PRDM16: variants seen among roughly 807,000 people sequenced by gnomAD.
The protein encoded by PRDM16 is PR/SET domain 16, also known as histone-lysine N-methyltransferase PRDM16.
Under a neutral mutation model 110.6 loss-of-function variants are expected in PRDM16, and 23 were observed. That is an observed-to-expected ratio of 0.21 (90% CI 0.15 to 0.29). The LOEUF (loss-of-function observed/expected upper bound fraction) is 0.29. PRDM16 is among the 10% of genes least tolerant of loss of function. The pLI is 1.00. For synonymous variants in PRDM16, 799 were observed against 781.8 expected, an observed-to-expected ratio of 1.02 and a Z score of -0.37; for missense variants, 1,615 against 1,794.3, an observed-to-expected ratio of 0.90 and a Z score of 1.81.
At chr1:3,349,185 C>A (rs1044317111) in intron 3 of PRDM16, among the ~76,000 whole-genome samples, 1 of 152,226 alleles carries the variant, frequency 6.6e-6, no homozygotes, top group African/African-American at 2.4e-5. Context: ...CGCATAGTGC[C>A]CATGGCCAGG....
intron 3 of PRDM16, among the ~76,000 whole-genome samples, chr1:3,263,198 C>T (rs1472914032): frequency 1.3e-5 from 2 of 152,166 alleles, no homozygotes; most frequent in Non-Finnish European, 2.9e-5. Context: ...TCTGAGTGCC[C>T]GGGGATGGGA....
chr1:3,197,889 CAG>C (rs1396370025), intron 2 of PRDM16, among the ~76,000 whole-genome samples: 3 of 152,186 alleles, frequency 2.0e-5, no homozygotes, highest in Non-Finnish European at 4.4e-5. Flanking sequence ...TCGCACTCCT[CAG>C]GGGGCAGTGG....
chr1:3,195,853 T>C (rs10797383), intron 2 of PRDM16, among the ~76,000 whole-genome samples: 56,724 of 152,068 alleles, frequency 0.37, 15,422 homozygotes, highest in African/African-American at 0.76. Flanking sequence ...AAAATAAGGA[T>C]TGGATGTGAA....
intron 6 of PRDM16, among the ~76,000 whole-genome samples, chr1:3,404,172 G>A (rs1643520158): frequency 6.6e-6 from 1 of 152,210 alleles, no homozygotes; most frequent in Admixed American, 6.5e-5. Context: ...GACAAGGGAA[G>A]CCGGGGGTCC....
chr1:3,323,898 T>G (rs1029373924), intron 3 of PRDM16, among the ~76,000 whole-genome samples: 3 of 152,178 alleles, frequency 2.0e-5, no homozygotes, highest in Non-Finnish European at 4.4e-5. Context: ...TGCACGGGCC[T>G]CATCTCCTTA....
At chr1:3,146,241 A>G (rs917633587) in intron 1 of PRDM16, among the ~76,000 whole-genome samples, 2 of 152,256 alleles carry the variant, frequency 1.3e-5, no homozygotes, top group East Asian at 1.9e-4. Context: ...CCGCTAACCA[A>G]TGAACGTTCG....
intron 3 of PRDM16, among the ~76,000 whole-genome samples, chr1:3,282,927 G>A (rs1640741838): frequency 6.6e-6 from 1 of 152,234 alleles, no homozygotes; most frequent in Non-Finnish European, 1.5e-5. Flanking sequence ...GGTAGTATTA[G>A]GGCGGTTAGA....
At position 3,244,251 on chromosome 1, in the gene PRDM16, T is replaced by C; in HGVS notation, c.438+114T>C. 1.0e-6 allele frequency: 1 copy of C among 969,554 alleles called. No homozygotes were observed. Among genetic ancestry groups the C allele is most frequent in the Non-Finnish European group, 1.6e-6 (1 of 618,068 alleles). 60.1% of individuals were successfully genotyped at this position (969,554 alleles called of 1,614,324 possible). On this transcript the variant is annotated intron_variant, in intron 3 of 16. Coordinates refer to ENST00000270722, the MANE Select transcript of PRDM16 (RefSeq NM_022114.4). This position sits in a 1 kb window ranked among gnomAD's most constrained non-coding sequence, Gnocchi z 4.1. Reference sequence around the variant, plus strand: ...AACAAGCGTGTAGTCGGAATGTTGCTGGCAGGCCCCGAGCAATGTGTTATC... The same window carrying C: ...AACAAGCGTGTAGTCGGAATGTTGCCGGCAGGCCCCGAGCAATGTGTTATC...
intron 3 of PRDM16, among the ~76,000 whole-genome samples, chr1:3,318,574 C>T (rs1641666661): frequency 6.6e-6 from 1 of 152,128 alleles, no homozygotes; most frequent in Non-Finnish European, 1.5e-5. Flanking sequence ...ATCTATCAGT[C>T]GATTGATCAT....
chr1:3,173,781 C>T lies in PRDM16; in HGVS notation c.38-12344C>T, dbSNP rs115133463. Among the ~76,000 whole-genome samples, 305 of 152,270 alleles carry T rather than the reference C, an allele frequency of 2.0e-3. 2 individuals are homozygous for T. Among genetic ancestry groups the T allele is most frequent in the African/African-American group, 7.0e-3 (290 of 41,544 alleles). On this transcript the variant is annotated intron_variant, in intron 1 of 16. Coordinates refer to ENST00000270722, the MANE Select transcript of PRDM16 (RefSeq NM_022114.4). The stretch of plus-strand genomic sequence containing the variant: ...CACATCCTCCAGGCTGTCATGGGGC[C>T]GAGGCTCCGTGCTCAGCAATGCGGT...
chr1:3,115,818 A>C (rs1206910740), intron 1 of PRDM16, among the ~76,000 whole-genome samples: 3 of 152,200 alleles, frequency 2.0e-5, no homozygotes, highest in Non-Finnish European at 4.4e-5. Flanking sequence ...CTGTCTTCCC[A>C]AAAGCTGTTT....
At chr1:3,119,711 C>T (rs954157126) in intron 1 of PRDM16, among the ~76,000 whole-genome samples, 28 of 152,182 alleles carry the variant, frequency 1.8e-4, no homozygotes, top group Admixed American at 1.3e-4. Context: ...CTGGGGGTGC[C>T]GTGTTTTGTA....
chr1:3,167,065 C>T (rs1178226829), intron 1 of PRDM16, among the ~76,000 whole-genome samples: 1 of 152,200 alleles, frequency 6.6e-6, no homozygotes, highest in East Asian at 1.9e-4. Flanking sequence ...GGAGCGAACA[C>T]AGGGACGATC....
At chr1:3,204,352 GA>G (rs966356404) in intron 2 of PRDM16, among the ~76,000 whole-genome samples, 21 of 151,484 alleles carry the variant, frequency 1.4e-4, no homozygotes, top group East Asian at 1.4e-3. Flanking sequence ...CTTTCAGACA[GA>G]AAAAAAAATT....
At chr1:3,095,463 C>T (rs938643909) in intron 1 of PRDM16, among the ~76,000 whole-genome samples, 3 of 152,162 alleles carry the variant, frequency 2.0e-5, no homozygotes, top group Admixed American at 6.5e-5. Flanking sequence ...GCAGAAAACC[C>T]ATAGGACCTG....
At chr1:3,397,051 T>A (rs1569675780) in intron 5 of PRDM16, among the ~76,000 whole-genome samples, 1 of 152,214 alleles carries the variant, frequency 6.6e-6, no homozygotes, top group East Asian at 1.9e-4. Context: ...TTCGAAGCAT[T>A]TCTGGCTGCC....
At chr1:3,197,156 A>T (rs1029936203) in intron 2 of PRDM16, among the ~76,000 whole-genome samples, 1 of 152,174 alleles carries the variant, frequency 6.6e-6, no homozygotes, top group African/African-American at 2.4e-5. Context: ...CCCTTGGGAC[A>T]TCACCATCTC....
chr1:3,075,850 C>A (rs1211628423), intron 1 of PRDM16, among the ~76,000 whole-genome samples: 1 of 152,196 alleles, frequency 6.6e-6, no homozygotes, highest in Non-Finnish European at 1.5e-5. Flanking sequence ...GCAGTGGGTG[C>A]GGCGACAGGC....
chr1:3,361,423 G>C (rs971777652), intron 3 of PRDM16, among the ~76,000 whole-genome samples: 5 of 152,218 alleles, frequency 3.3e-5, no homozygotes, highest in Non-Finnish European at 5.9e-5. Flanking sequence ...CAGGCAGAAC[G>C]ACCCCTGAAA....
Sources: gnomAD v4.1 joint callset for allele counts (sites outside exome capture counted in the v4.1 genomes callset) on GRCh38, gnomAD v4.1.1 for gene constraint, Gnocchi (gnomAD v3.1) non-coding constraint, MANE v1.5 for transcripts, NCBI Gene and HGNC (gene_info 2026-07-23, HGNC 2026-07-21) for gene names.